The following TOX variants were observed in gnomAD, a reference collection of about 807,000 sequenced individuals.
The protein encoded by TOX is thymocyte selection-associated high mobility group box protein TOX.
A neutral mutation model predicts 53.7 loss-of-function variants in TOX; 11 were observed. The observed-to-expected ratio is 0.20, with a 90% CI of 0.13 to 0.34. The LOEUF (loss-of-function observed/expected upper bound fraction) is 0.34, where lower values mean the gene tolerates loss of function less well. Among genes scored for constraint, TOX ranks in the 10% least tolerant of loss-of-function variants. The pLI is 1.00. For missense variants in TOX, 570 were observed against 664.6 expected (o/e 0.86, Z 1.56); for synonymous variants, 225 against 245.3 (o/e 0.92, Z 0.77).
chr8:59,082,475 A>G (rs1044176385), intron 1 of TOX, among the ~76,000 whole-genome samples: 1 of 152,234 alleles, frequency 6.6e-6, no homozygotes, highest in African/African-American at 2.4e-5. Flanking sequence ...ATCTTAACAT[A>G]TATTTATGGA....
chr8:58,973,093 T>C (rs1813029905), intron 1 of TOX, among the ~76,000 whole-genome samples: 1 of 152,238 alleles, frequency 6.6e-6, no homozygotes, highest in Admixed American at 6.5e-5. Context: ...ATTTTTATTT[T>C]AAAAGCAGAA....
chr8:58,894,428 T>C (rs1811607317), intron 3 of TOX, among the ~76,000 whole-genome samples: 1 of 152,230 alleles, frequency 6.6e-6, no homozygotes, highest in South Asian at 2.1e-4. Context: ...TCTGGCTTCA[T>C]GTGTGGGGCT....
chr8:59,014,216 C>T (rs1190841909), intron 1 of TOX, among the ~76,000 whole-genome samples: 2 of 152,088 alleles, frequency 1.3e-5, no homozygotes, highest in Non-Finnish European at 2.9e-5. Context: ...TGCTATTATC[C>T]TGTGGGGTAC....
At chr8:58,889,637 A>G in intron 3 of TOX, among the ~76,000 whole-genome samples, 1 of 152,182 alleles carries the variant, frequency 6.6e-6, no homozygotes, top group East Asian at 1.9e-4. Context: ...TATAAAATAT[A>G]TCTGTCAGTA....
At chr8:58,958,368 T>C (rs1173353177) in intron 2 of TOX, among the ~76,000 whole-genome samples, 1 of 152,214 alleles carries the variant, frequency 6.6e-6, no homozygotes, top group Non-Finnish European at 1.5e-5. Context: ...AATGATTCTC[T>C]AAGAGGGAGC....
chr8:58,991,665 C>T (rs1489563056), intron 1 of TOX: 2 of 152,108 alleles, frequency 1.3e-5, no homozygotes, highest in Non-Finnish European at 2.9e-5. Context: ...TGATATGAAA[C>T]AAAAATGAAA....
chr8:58,982,252 A>C (rs889496331), intron 1 of TOX, among the ~76,000 whole-genome samples: 4 of 152,170 alleles, frequency 2.6e-5, no homozygotes, highest in African/African-American at 7.2e-5. Flanking sequence ...TCTTCAAGAC[A>C]GGCTCTCCTA....
chr8:58,962,539 C>T (rs1471058255), intron 1 of TOX, among the ~76,000 whole-genome samples: 3 of 152,194 alleles, frequency 2.0e-5, no homozygotes, highest in Non-Finnish European at 4.4e-5. Context: ...GCCACCCATG[C>T]ACTTCACCAC....
chr8:59,014,414 T>C (rs1021275934), intron 1 of TOX, among the ~76,000 whole-genome samples: 3 of 152,258 alleles, frequency 2.0e-5, no homozygotes, highest in African/African-American at 7.2e-5. Flanking sequence ...TCTGTTTTCA[T>C]ACTGAGTGTT....
chr8:58,888,025 G>A (rs1316041632), intron 3 of TOX, among the ~76,000 whole-genome samples: 1 of 152,032 alleles, frequency 6.6e-6, no homozygotes, highest in African/African-American at 2.4e-5. Context: ...ATTGCTCCTT[G>A]TCTACAAACC....
intron 3 of TOX, among the ~76,000 whole-genome samples, chr8:58,861,676 G>A (rs756241432): frequency 1.3e-4 from 20 of 152,190 alleles, no homozygotes; most frequent in Non-Finnish European, 2.8e-4. Context: ...GAGACATGCC[G>A]TCTGGGAGTA....
intron 1 of TOX, among the ~76,000 whole-genome samples, chr8:59,074,813 A>C (rs180821646): frequency 1.3e-5 from 2 of 152,118 alleles, no homozygotes; most frequent in African/African-American, 2.4e-5. Flanking sequence ...AATGTCCAAC[A>C]CTCAGACAGC....
chr8:59,089,263 C>G (rs1265170498), intron 1 of TOX, among the ~76,000 whole-genome samples: 1 of 152,186 alleles, frequency 6.6e-6, no homozygotes, highest in East Asian at 1.9e-4. Context: ...ATATTTTCAG[C>G]ACATAGTGTG....
chr8:58,886,139 T>A (rs1033547714), intron 3 of TOX, among the ~76,000 whole-genome samples: 5 of 152,086 alleles, frequency 3.3e-5, no homozygotes, highest in Non-Finnish European at 2.9e-5. Context: ...GAGAGAACAG[T>A]CTTTTTACCT....
chr8:58,954,775 T>C (rs1812683043), intron 2 of TOX, among the ~76,000 whole-genome samples: 1 of 152,106 alleles, frequency 6.6e-6, no homozygotes, highest in Non-Finnish European at 1.5e-5. Flanking sequence ...GGCCAAAAAG[T>C]AGAATCAACA....
chr8:59,021,494 A>T (rs61248207), intron 1 of TOX, among the ~76,000 whole-genome samples: 10,456 of 124,684 alleles, frequency 0.084, 707 homozygotes, highest in East Asian at 0.23. Flanking sequence ...ATATATATAT[A>T]TATATGCACA....
chr8:58,830,794 C>T (rs1810441322), intron 5 of TOX, among the ~76,000 whole-genome samples: 1 of 152,156 alleles, frequency 6.6e-6, no homozygotes, highest in African/African-American at 2.4e-5. Flanking sequence ...AGGCATTCTT[C>T]ATTCTGGGTA....
At chr8:59,107,220 T>C (rs189130250) in intron 1 of TOX, among the ~76,000 whole-genome samples, 215 of 152,240 alleles carry the variant, frequency 1.4e-3, no homozygotes, top group African/African-American at 4.9e-3. Context: ...ATGTTAGAAA[T>C]ATTGCATGCA....
intron 1 of TOX, among the ~76,000 whole-genome samples, chr8:59,010,073 A>T (rs1813873063): frequency 6.6e-6 from 1 of 152,168 alleles, no homozygotes. Flanking sequence ...CTTTAAGATG[A>T]TCTTCAAAGT....
Sources: allele counts gnomAD v4.1 joint callset (sites outside exome capture counted in the v4.1 genomes callset), GRCh38; gene constraint gnomAD v4.1.1; transcripts MANE v1.5; gene names NCBI Gene and HGNC (gene_info 2026-07-23, HGNC 2026-07-21).